Variants in CCNY observed in about 807,000 individuals in gnomAD.
CCNY encodes the protein cyclin-Y.
In CCNY, 19 loss-of-function variants were observed where a neutral mutation model predicts 42.8. The observed-to-expected ratio is 0.44, with a 90% CI of 0.31 to 0.65. The LOEUF (loss-of-function observed/expected upper bound fraction) is 0.65, where lower values mean the gene tolerates loss of function less well. CCNY is among the 30% of genes least tolerant of loss of function. CCNY has a pLI of 0.07. For synonymous variants in CCNY, 165 were observed against 162.7 expected (o/e 1.01, Z -0.11); for missense variants, 370 against 437.3 (o/e 0.85, Z 1.37).
At chr10:35,568,758 C>T (rs946410058) in intron 9 of CCNY, among the ~76,000 whole-genome samples, 30 of 152,234 alleles carry the variant, frequency 2.0e-4, no homozygotes, top group Non-Finnish European at 3.1e-4. Flanking sequence ...CCGTCCCACA[C>T]CCCTAGATGG....
chr10:35,541,784 C>T (rs1034595309), intron 7 of CCNY, among the ~76,000 whole-genome samples: 4 of 151,834 alleles, frequency 2.6e-5, no homozygotes. Flanking sequence ...AGGATCCCAT[C>T]CAAGACACCA....
intron 1 of CCNY, among the ~76,000 whole-genome samples, chr10:35,410,613 T>G (rs750142348): frequency 3.3e-5 from 5 of 152,186 alleles, no homozygotes; most frequent in Non-Finnish European, 5.9e-5. Context: ...ATAGAAAGGT[T>G]GATTAAATAG....
chr10:35,438,361 T>C (rs1838587662), intron 1 of CCNY, among the ~76,000 whole-genome samples: 1 of 151,962 alleles, frequency 6.6e-6, no homozygotes, highest in African/African-American at 2.4e-5. Context: ...TCACTATGTT[T>C]CCCAGGCTAG....
chr10:35,313,056 T>A (rs569305265), intron 3 of CCNY, among the ~76,000 whole-genome samples: 1 of 152,260 alleles, frequency 6.6e-6, no homozygotes, highest in East Asian at 1.9e-4. Context: ...CCAACTTGCA[T>A]ACAACACCCT....
intron 2 of CCNY, among the ~76,000 whole-genome samples, chr10:35,497,295 A>G (rs1008472033): frequency 1.3e-5 from 2 of 152,252 alleles, no homozygotes; most frequent in East Asian, 1.9e-4. Context: ...GAGTTGGCAT[A>G]TTGCTTATAC....
intron 1 of CCNY, among the ~76,000 whole-genome samples, chr10:35,462,280 G>A (rs1839172632): frequency 6.6e-6 from 1 of 152,146 alleles, no homozygotes; most frequent in African/African-American, 2.4e-5. Context: ...GCCTCTTTAG[G>A]AATGGCGGTA....
chr10:35,433,490 G>A (rs1463126124), intron 1 of CCNY, among the ~76,000 whole-genome samples: 1 of 152,108 alleles, frequency 6.6e-6, no homozygotes, highest in African/African-American at 2.4e-5. Flanking sequence ...AAAAGGTGTG[G>A]AAAATAATGT....
chr10:35,424,454 G>A (rs1013648177), intron 1 of CCNY, among the ~76,000 whole-genome samples: 1 of 152,192 alleles, frequency 6.6e-6, no homozygotes, highest in African/African-American at 2.4e-5. Flanking sequence ...TCGAACTGCC[G>A]ACCTCAGGTG....
chr10:35,320,285 G>A (rs1345800083), intron 3 of CCNY, among the ~76,000 whole-genome samples: 4 of 152,150 alleles, frequency 2.6e-5, no homozygotes, highest in Admixed American at 1.3e-4. Context: ...ACTAAGTGGG[G>A]TTTATCCCAA....
intron 3 of CCNY, among the ~76,000 whole-genome samples, chr10:35,304,395 C>T (rs1229081538): frequency 1.6e-5 from 1 of 62,936 alleles, no homozygotes; most frequent in Non-Finnish European, 2.9e-5. Context: ...CTGCAAGCTC[C>T]GCCTCCCGGG....
intron 1 of CCNY, among the ~76,000 whole-genome samples, chr10:35,459,263 C>G (rs1289776538): frequency 6.6e-6 from 1 of 152,178 alleles, no homozygotes; most frequent in Non-Finnish European, 1.5e-5. Flanking sequence ...GTCTGAGAGG[C>G]CACAGAATCT....
At chr10:35,494,496 T>A (rs1183973508) in intron 2 of CCNY, among the ~76,000 whole-genome samples, 3 of 152,150 alleles carry the variant, frequency 2.0e-5, no homozygotes, top group Admixed American at 1.3e-4. Flanking sequence ...AATACAATCA[T>A]AATCATCTAG....
chr10:35,275,056 CTTTTTTT>C (rs34467762), intron 3 of CCNY, among the ~76,000 whole-genome samples: 3 of 64,898 alleles, frequency 4.6e-5, no homozygotes, highest in Middle Eastern at 0.014. Context: ...ACCGTCATTC[CTTTTTTT>C]TTTTTTTTTT....
chr10:35,443,227 A>C (rs1470927750), intron 1 of CCNY, among the ~76,000 whole-genome samples: 4 of 152,246 alleles, frequency 2.6e-5, no homozygotes. Context: ...CACCTAGGCC[A>C]CACTAAACTG....
intron 3 of CCNY, among the ~76,000 whole-genome samples, chr10:35,254,861 A>G (rs1406853873): frequency 7.2e-6 from 1 of 139,832 alleles, no homozygotes; most frequent in African/African-American, 2.8e-5. Flanking sequence ...GGAAAGAAAA[A>G]AAGAAAAAAA....
At position 35,470,160 on chromosome 10, in the gene CCNY, CAG is replaced by C. The variant is rs556022375; in HGVS notation, c.155-13243_155-13242del. On this transcript the variant is annotated intron_variant, in intron 1 of 9. Transcript: ENST00000374704. The stretch of plus-strand genomic sequence containing the variant: ...GGAGACAAGGCAGTGGAGAGACAGA[CAG>C]GGAGATGGAGAGACAGAGAGGGAAA... Among the ~76,000 whole-genome samples, 494 of 142,052 alleles carry C rather than the reference CAG, an allele frequency of 3.5e-3. 3 individuals carry two copies. The highest frequency in any genetic ancestry group is 0.012 in the African/African-American group (465 of 37,522). The allele number at this position is 142,052 out of a possible 152,430, so 93.2% of individuals were successfully genotyped here.
At chr10:35,257,297 T>C (rs538347815) in intron 3 of CCNY, among the ~76,000 whole-genome samples, 1 of 149,110 alleles carries the variant, frequency 6.7e-6, no homozygotes, top group Non-Finnish European at 1.5e-5. Context: ...CTCTCTCTCT[T>C]TCTCTCTCTT....
At chr10:35,309,935 G>A (rs1399318054) in intron 3 of CCNY, among the ~76,000 whole-genome samples, 2 of 152,052 alleles carry the variant, frequency 1.3e-5, no homozygotes, top group African/African-American at 4.8e-5. Context: ...CGAGTAGCTG[G>A]GACTGCAGAC....
chr10:35,483,423 T>C lies in CCNY; in HGVS notation c.174T>C (p.Asn58=). 1 of 1,606,716 alleles carries C rather than the reference T, an allele frequency of 6.2e-7. No homozygotes were observed. The highest frequency in any genetic ancestry group is 1.1e-5 in the South Asian group (1 of 90,544). ...ENIDDLNMEF[N]PSDHPRASTI... Reference sequence around the variant, plus strand: ...TTAAAGATTTGAACATGGAATTCAATCCTTCAGATCATCCTCGGGCCAGCA... The same window carrying C: ...TTAAAGATTTGAACATGGAATTCAACCCTTCAGATCATCCTCGGGCCAGCA... The change falls in exon 2 of 10, where the codon AAT becomes AAC. Residue 58 remains asparagine (N), a synonymous_variant. Transcript: ENST00000374704.
Sources: gnomAD v4.1 joint callset for allele counts (sites outside exome capture counted in the v4.1 genomes callset) on GRCh38, gnomAD v4.1.1 for gene constraint, MANE v1.5 for transcripts, NCBI Gene and HGNC (gene_info 2026-07-23, HGNC 2026-07-21) for gene names.